The following SLC14A2 variants were observed in gnomAD, a reference collection of about 807,000 sequenced individuals.
SLC14A2 encodes urea transporter 2.
In SLC14A2, 91 loss-of-function variants were observed where a neutral mutation model predicts 104.6. That is an observed-to-expected ratio of 0.87 (90% CI 0.73 to 1.04). The LOEUF is 1.04. SLC14A2 is among the 50% of genes least tolerant of loss of function. The pLI is 0.00. For missense variants in SLC14A2, 1,189 were observed against 1,156.0 expected (o/e 1.03, Z -0.41); for synonymous variants, 476 against 466.4 (o/e 1.02, Z -0.27).
chr18:45,650,712 A>T (rs1000008899), intron 10 of SLC14A2, among the ~76,000 whole-genome samples: 2 of 150,424 alleles, frequency 1.3e-5, no homozygotes, highest in Admixed American at 6.6e-5. Flanking sequence ...AATTCACAGC[A>T]CCACAGGTGT....
chr18:45,358,661 T>G (rs911149670), intron 1 of SLC14A2, among the ~76,000 whole-genome samples: 3 of 152,160 alleles, frequency 2.0e-5, no homozygotes, highest in Admixed American at 6.5e-5. Context: ...CACTGCAGCC[T>G]CTACCTCTTA....
chr18:45,403,953 ATC>A (rs1259807639), intron 1 of SLC14A2, among the ~76,000 whole-genome samples: 2 of 152,044 alleles, frequency 1.3e-5, no homozygotes, highest in African/African-American at 4.8e-5. Flanking sequence ...TTCTCCCTAT[ATC>A]TCTGTCCACA....
chr18:45,645,624 C>CATATATATATATATATAT (rs2045610233), intron 10 of SLC14A2, among the ~76,000 whole-genome samples: 20 of 9,018 alleles, frequency 2.2e-3, no homozygotes, highest in African/African-American at 5.3e-3. Context: ...TATATATATA[C>CATATATATATATATATAT]ATATACAAAG....
intron 10 of SLC14A2, among the ~76,000 whole-genome samples, chr18:45,651,039 T>G (rs1286621113): frequency 6.6e-6 from 1 of 152,180 alleles, no homozygotes; most frequent in Non-Finnish European, 1.5e-5. Context: ...AAGATTTCAG[T>G]GCCTTGTCCC....
Position 45,672,954 on chromosome 18 carries a change from T to C in SLC14A2, c.2284T>C (p.Trp762Arg), listed in dbSNP as rs1280853991. The part of the protein sequence containing the change: ...IGQVYGCDNP[W>R]TGGIFLIALF... Reference sequence around the variant, plus strand: ...CCAAGTGTACGGCTGTGATAACCCCTGGACTGGAGGCATCTTCCTCATAGC... The same window carrying C: ...CCAAGTGTACGGCTGTGATAACCCCCGGACTGGAGGCATCTTCCTCATAGC... The change falls in exon 17 of 20, where the codon TGG (tryptophan) becomes CGG (arginine). Residue 762 changes from tryptophan to arginine, a missense_variant. By Grantham distance (101) the Trp-to-Arg change is moderately radical. Transcript: ENST00000255226. The C allele has an allele frequency of 1.9e-6, 3 of 1,614,070 alleles. No homozygotes were observed. Among genetic ancestry groups the C allele is most frequent in the Non-Finnish European group, 2.5e-6 (3 of 1,180,000 alleles).
intron 1 of SLC14A2, among the ~76,000 whole-genome samples, chr18:45,352,893 A>G (rs796348521): frequency 7.9e-5 from 12 of 152,242 alleles, no homozygotes; most frequent in Admixed American, 3.9e-4. Context: ...CCAGAATCAC[A>G]GCAGATTTAG....
intron 5 of SLC14A2, among the ~76,000 whole-genome samples, chr18:45,636,373 G>A (rs947050581): frequency 3.9e-5 from 6 of 152,178 alleles, no homozygotes; most frequent in African/African-American, 1.4e-4. Flanking sequence ...GCATAGGAGT[G>A]AGTCAGGATT....
chr18:45,278,995 C>T (rs1031626815), intron 1 of SLC14A2, among the ~76,000 whole-genome samples: 4 of 152,040 alleles, frequency 2.6e-5, no homozygotes, highest in African/African-American at 7.3e-5. Context: ...GAAACAAGTA[C>T]GAGAGAGATA....
chr18:45,387,876 A>G (rs1164653484), intron 1 of SLC14A2, among the ~76,000 whole-genome samples: 2 of 152,152 alleles, frequency 1.3e-5, no homozygotes. Context: ...GAAAGCCGGT[A>G]TAGGCTTTGT....
intron 1 of SLC14A2, among the ~76,000 whole-genome samples, chr18:45,348,493 AG>A (rs1267432209): frequency 6.6e-6 from 1 of 152,198 alleles, no homozygotes; most frequent in African/African-American, 2.4e-5. Flanking sequence ...ATCAGTCCCC[AG>A]GTGACTTCTA....
At chr18:45,672,782 T>C (rs1290958388) in intron 16 of SLC14A2, 118 bp from the exon 17 acceptor site, 1 of 841,942 alleles carries the variant, frequency 1.2e-6, no homozygotes, top group African/African-American at 1.7e-5. Flanking sequence ...GAAACAAAAA[T>C]CCTGGACATC....
chr18:45,510,968 C>T (rs928482881), intron 2 of SLC14A2, among the ~76,000 whole-genome samples: 2 of 152,216 alleles, frequency 1.3e-5, no homozygotes, highest in African/African-American at 4.8e-5. Context: ...TTTCCCCCTC[C>T]TCTCCTGAAA....
the SLC14A2 span, among the ~76,000 whole-genome samples, chr18:45,182,578 A>G: frequency 6.6e-6 from 1 of 152,058 alleles, no homozygotes; most frequent in Non-Finnish European, 1.5e-5. Context: ...AGAGTATTTT[A>G]TAATACAGAA....
intron 1 of SLC14A2, among the ~76,000 whole-genome samples, chr18:45,315,925 A>G (rs912553970): frequency 6.6e-6 from 1 of 152,240 alleles, no homozygotes; most frequent in Non-Finnish European, 1.5e-5. Context: ...CACAGTGAGA[A>G]TATAAATACC....
chr18:45,360,703 C>T (rs1036898079), intron 1 of SLC14A2, among the ~76,000 whole-genome samples: 3 of 152,232 alleles, frequency 2.0e-5, no homozygotes, highest in African/African-American at 7.2e-5. Flanking sequence ...ATAACTTGCA[C>T]TGTAAACTGA....
At chr18:45,467,111 G>A (rs374504057) in intron 1 of SLC14A2, among the ~76,000 whole-genome samples, 49 of 152,242 alleles carry the variant, frequency 3.2e-4, no homozygotes, top group African/African-American at 1.0e-3. Flanking sequence ...AGCCAGGGAC[G>A]GCACAGAGCA....
chr18:45,391,616 T>A (rs545762091), intron 1 of SLC14A2, among the ~76,000 whole-genome samples: 2 of 152,356 alleles, frequency 1.3e-5, no homozygotes, highest in East Asian at 1.9e-4. Context: ...ATGATCACCA[T>A]TCTAACTGGT....
chr18:45,582,352 T>C lies in SLC14A2; in HGVS notation c.-34-42279T>C, dbSNP rs547351297. ...GGAAATGTGCAAAATCCTCTGCTTC[T>C]AGGTTAGAAATTTTGCACTTTAGGA... On this transcript the variant is annotated intron_variant, in intron 2 of 20. Coordinates refer to the SLC14A2 transcript ENST00000586448. Among the ~76,000 whole-genome samples, 6 of 152,278 alleles carry C rather than the reference T, an allele frequency of 3.9e-5. No individual in the cohort carries two copies. In the South Asian group the frequency reaches 1.0e-3, roughly 26 times the overall value.
chr18:45,443,492 A>G (rs1304242950), intron 1 of SLC14A2, among the ~76,000 whole-genome samples: 1 of 152,030 alleles, frequency 6.6e-6, no homozygotes, highest in African/African-American at 2.4e-5. Context: ...CTGTCTCTGG[A>G]ATGGGGGTCT....
Sources: allele counts gnomAD v4.1 joint callset (sites outside exome capture counted in the v4.1 genomes callset), GRCh38; gene constraint gnomAD v4.1.1; transcripts MANE v1.5; gene names NCBI Gene and HGNC (gene_info 2026-07-23, HGNC 2026-07-21).